Variants in UMAD1 observed in about 807,000 individuals in gnomAD.
UMAD1 encodes UBAP1-MVB12-associated (UMA) domain containing 1.
UMAD1 carries 8 observed loss-of-function variants against 6.1 expected under a neutral mutation model. That is an observed-to-expected ratio of 1.30 (90% CI 0.76 to 2.35). The LOEUF is 2.35. UMAD1 is among the 30% of genes most tolerant of loss of function. UMAD1 has a pLI of 0.00. For synonymous variants in UMAD1, 56 were observed against 31.4 expected (o/e 1.78, Z -2.61); for missense variants, 130 against 78.4 (o/e 1.66, Z -2.49).
chr7:7,821,481 C>T (rs1783240381), intron 3 of UMAD1, among the ~76,000 whole-genome samples: 1 of 152,156 alleles, frequency 6.6e-6, no homozygotes, highest in South Asian at 2.1e-4. Context: ...TTTCACCTCA[C>T]TGATTTATTG....
At chr7:7,831,060 C>G (rs1583857754) in intron 3 of UMAD1, among the ~76,000 whole-genome samples, 1 of 152,022 alleles carries the variant, frequency 6.6e-6, no homozygotes, top group Admixed American at 6.6e-5. Context: ...TAATGATATA[C>G]TTATGCATTT....
At chr7:7,814,937 C>T (rs10243530) in intron 3 of UMAD1, among the ~76,000 whole-genome samples, 4,002 of 152,202 alleles carry the variant, frequency 0.026, 205 homozygotes, top group African/African-American at 0.092. Context: ...AAGCTGCTTT[C>T]GGGCAGGGTG....
At chr7:7,782,879 G>C (rs1432777039) in intron 2 of UMAD1, among the ~76,000 whole-genome samples, 1 of 151,840 alleles carries the variant, frequency 6.6e-6, no homozygotes, top group Non-Finnish European at 1.5e-5. Flanking sequence ...ACAGATGCAC[G>C]CCACCACACC....
intron 2 of UMAD1, among the ~76,000 whole-genome samples, chr7:7,734,824 T>C (rs991116999): frequency 4.6e-5 from 7 of 152,304 alleles, no homozygotes; most frequent in Admixed American, 3.9e-4. Context: ...ACTTTATTTT[T>C]TTCATACATA....
At chr7:7,842,184 C>T (rs952972505) in intron 3 of UMAD1, among the ~76,000 whole-genome samples, 8 of 152,142 alleles carry the variant, frequency 5.3e-5, no homozygotes, top group South Asian at 2.1e-4. Context: ...TTTATTATTA[C>T]GTGACACTGA....
In UMAD1 at chr7:7,788,352, A is replaced by C. The variant is rs180925842; in HGVS notation, c.83-13318A>C. On this transcript the variant is annotated intron_variant, in intron 2 of 3. Coordinates refer to ENST00000682710, the MANE Select transcript of UMAD1 (RefSeq NM_001302348.2). The stretch of plus-strand genomic sequence containing the variant: ...CTGGGTTGGGGAATATTTTAGGCTA[A>C]GAGTGGTCCCTTCTCTATCATCACA... Among the ~76,000 whole-genome samples the C allele has an allele frequency of 6.2e-4, 95 of 152,300 alleles. 2 individuals are homozygous for C. Among genetic ancestry groups the C allele is most frequent in the Non-Finnish European group, 1.2e-3 (81 of 68,018 alleles).
intron 3 of UMAD1, among the ~76,000 whole-genome samples, chr7:7,802,783 C>T (rs1191826276): frequency 6.6e-6 from 1 of 152,096 alleles, no homozygotes; most frequent in African/African-American, 2.4e-5. Flanking sequence ...ATGCCTAGCC[C>T]ACAGTAGGTA....
intron 3 of UMAD1, among the ~76,000 whole-genome samples, chr7:7,849,874 C>T (rs555287080): frequency 6.6e-6 from 1 of 152,132 alleles, no homozygotes; most frequent in Non-Finnish European, 1.5e-5. Flanking sequence ...TAAGCTGAGA[C>T]TTTTAAGAGT....
chr7:7,722,521 G>A (rs4725016), intron 2 of UMAD1, among the ~76,000 whole-genome samples: 47,740 of 151,964 alleles, frequency 0.31, 7,992 homozygotes, highest in African/African-American at 0.45. Flanking sequence ...ACCTTAGGCT[G>A]TATGTGGAGA....
At chr7:7,673,195 A>C in intron 1 of UMAD1, 114 bp from the exon 2 acceptor site, 1 of 745,926 alleles carries the variant, frequency 1.3e-6, no homozygotes, top group Admixed American at 2.1e-5. Flanking sequence ...ACATGTGGCC[A>C]TAGAATTCCT....
intron 1 of UMAD1, among the ~76,000 whole-genome samples, chr7:7,670,526 C>T (rs1779579623): frequency 6.6e-6 from 1 of 152,048 alleles, no homozygotes; most frequent in African/African-American, 2.4e-5. Flanking sequence ...TTGTGTTCAC[C>T]ATATATTCAG....
At chr7:7,735,381 G>GA (rs1209280507) in intron 2 of UMAD1, among the ~76,000 whole-genome samples, 1 of 151,168 alleles carries the variant, frequency 6.6e-6, no homozygotes, top group Non-Finnish European at 1.5e-5. Context: ...ACATTTCTTG[G>GA]AAAACCACTG....
intron 3 of UMAD1, among the ~76,000 whole-genome samples, chr7:7,813,167 C>T (rs1783056287): frequency 1.3e-5 from 2 of 152,134 alleles, no homozygotes; most frequent in Non-Finnish European, 2.9e-5. Context: ...TTCCATTTTT[C>T]TCCAGGCGTA....
At chr7:7,656,066 C>T (rs1378961015) in intron 1 of UMAD1, among the ~76,000 whole-genome samples, 1 of 152,074 alleles carries the variant, frequency 6.6e-6, no homozygotes, top group Non-Finnish European at 1.5e-5. Flanking sequence ...AACTCTCAAC[C>T]TCAGGTGATC....
intron 1 of UMAD1, among the ~76,000 whole-genome samples, chr7:7,664,719 T>C (rs1352688029): frequency 2.0e-5 from 3 of 152,214 alleles, no homozygotes; most frequent in Non-Finnish European, 4.4e-5. Flanking sequence ...TTCACATTGA[T>C]CTTTCTGGAA....
chr7:7,857,637 T>A (rs73057785), intron 3 of UMAD1, among the ~76,000 whole-genome samples: 21,261 of 152,252 alleles, frequency 0.14, 2,050 homozygotes, highest in Non-Finnish European at 0.19. Flanking sequence ...CAGTTATTTT[T>A]AAAATGTATT....
At chr7:7,695,014 A>G (rs1780274605) in intron 2 of UMAD1, among the ~76,000 whole-genome samples, 1 of 152,164 alleles carries the variant, frequency 6.6e-6, no homozygotes, top group Non-Finnish European at 1.5e-5. Flanking sequence ...ACAGTGTTTG[A>G]GAGTTCCCCT....
At chr7:7,642,463 A>T (rs1375904266) in intron 1 of UMAD1, among the ~76,000 whole-genome samples, 2 of 73,350 alleles carry the variant, frequency 2.7e-5, no homozygotes, top group Non-Finnish European at 2.7e-5. Flanking sequence ...GTACCCTGTA[A>T]TAGTGATTTT....
intron 3 of UMAD1, among the ~76,000 whole-genome samples, chr7:7,810,992 C>T (rs1381923804): frequency 6.6e-6 from 1 of 152,152 alleles, no homozygotes; most frequent in African/African-American, 2.4e-5. Flanking sequence ...GGTTATTCTT[C>T]CTATCTCTTT....
Sources: gnomAD v4.1 joint callset for allele counts (sites outside exome capture counted in the v4.1 genomes callset) on GRCh38, gnomAD v4.1.1 for gene constraint, MANE v1.5 for transcripts, NCBI Gene and HGNC (gene_info 2026-07-23, HGNC 2026-07-21) for gene names.